ERC1: variants seen among roughly 807,000 people sequenced by gnomAD.
The protein encoded by ERC1 is RAB6 interacting protein 2.
A neutral mutation model predicts 132.0 loss-of-function variants in ERC1; 56 were observed. The ratio of observed to expected loss-of-function variants is 0.42; its 90% CI spans 0.34 to 0.53. The LOEUF is 0.53. ERC1 is among the 20% of genes least tolerant of loss of function. The probability of loss-of-function intolerance (pLI) is 0.03; values close to 1 mark genes in which losing one functional copy is unlikely to be tolerated. For missense variants in ERC1, 1,202 were observed against 1,349.9 expected, an observed-to-expected ratio of 0.89 and a Z score of 1.72; for synonymous variants, 478 against 476.1, an observed-to-expected ratio of 1.00 and a Z score of -0.05.
At chr12:1,167,133 A>G (rs1042004949) in intron 8 of ERC1, among the ~76,000 whole-genome samples, 2 of 152,216 alleles carry the variant, frequency 1.3e-5, no homozygotes, top group Non-Finnish European at 2.9e-5. Context: ...TATCAAGTCA[A>G]TAAGGAAGGG....
chr12:1,478,802 G>A (rs28817883), intron 18 of ERC1, among the ~76,000 whole-genome samples: 65,622 of 149,334 alleles, frequency 0.44, 16,701 homozygotes, highest in African/African-American at 0.71. Context: ...AAAAAAAAGA[G>A]AGAGAGAGAG....
intron 15 of ERC1, among the ~76,000 whole-genome samples, chr12:1,367,127 T>C (rs1479319924): frequency 6.6e-6 from 1 of 152,222 alleles, no homozygotes; most frequent in African/African-American, 2.4e-5. Context: ...AGAAGAGATA[T>C]ATTGGTAGTT....
chr12:1,036,797 C>A (rs1042809847), intron 2 of ERC1, among the ~76,000 whole-genome samples: 3 of 152,132 alleles, frequency 2.0e-5, no homozygotes, highest in African/African-American at 4.8e-5. Flanking sequence ...TCTGTTTTAA[C>A]AAGGAGATGT....
intron 8 of ERC1, among the ~76,000 whole-genome samples, chr12:1,144,878 A>G (rs1950208727): frequency 6.6e-6 from 1 of 152,130 alleles, no homozygotes. Context: ...TGTTTTCCAC[A>G]GTGGTTGTGC....
chr12:1,220,868 C>T (rs1958915814), intron 12 of ERC1, among the ~76,000 whole-genome samples: 1 of 152,228 alleles, frequency 6.6e-6, no homozygotes, highest in Admixed American at 6.5e-5. Flanking sequence ...GTCTGCTTCA[C>T]CTGGGCCTCG....
chr12:1,205,913 T>G (rs1253455542), intron 12 of ERC1, among the ~76,000 whole-genome samples: 2 of 152,090 alleles, frequency 1.3e-5, no homozygotes. Flanking sequence ...TCTCTCTAAA[T>G]GAAACCCTGG....
chr12:1,270,953 G>T (rs1432519575), intron 14 of ERC1, among the ~76,000 whole-genome samples: 1 of 152,060 alleles, frequency 6.6e-6, no homozygotes, highest in Non-Finnish European at 1.5e-5. Context: ...TTGAATAGAT[G>T]ATGATGGATA....
chr12:1,066,696 G>A (rs968362205), intron 2 of ERC1, among the ~76,000 whole-genome samples: 2 of 152,086 alleles, frequency 1.3e-5, no homozygotes, highest in Non-Finnish European at 2.9e-5. Flanking sequence ...AATTATCCGG[G>A]TGTGGTGGTA....
chr12:1,149,870 T>C lies in ERC1; in HGVS notation c.1737+8083T>C, dbSNP rs568909930. Reference sequence around the variant, plus strand: ...TTAGTTTTCATTCATTTGCCCGCTTTGTGAGGTATTAGGAATGACATGGGT... The same window carrying C: ...TTAGTTTTCATTCATTTGCCCGCTTCGTGAGGTATTAGGAATGACATGGGT... On this transcript the variant is annotated intron_variant, in intron 8 of 18. Transcript: ENST00000360905. Among the ~76,000 whole-genome samples the C allele has an allele frequency of 2.6e-5, 4 of 152,332 alleles. No homozygotes were observed. The South Asian group carries it at 8.3e-4, about 32-fold the overall frequency.
chr12:1,114,153 A>T (rs1394672624), intron 6 of ERC1, among the ~76,000 whole-genome samples: 3 of 152,160 alleles, frequency 2.0e-5, no homozygotes, highest in Middle Eastern at 3.4e-3. Flanking sequence ...CCTCCTGAGT[A>T]GCTGGGATTA....
At chr12:1,472,451 C>G (rs922683880) in intron 18 of ERC1, among the ~76,000 whole-genome samples, 4 of 152,022 alleles carry the variant, frequency 2.6e-5, no homozygotes, top group East Asian at 1.9e-4. Flanking sequence ...GAGTTCAAGA[C>G]CAGTCTGGGC....
At chr12:1,131,282 G>A (rs1948735660) in intron 7 of ERC1, among the ~76,000 whole-genome samples, 1 of 152,128 alleles carries the variant, frequency 6.6e-6, no homozygotes, top group African/African-American at 2.4e-5. Flanking sequence ...ACAGAGGATG[G>A]AGAACACTGA....
chr12:1,388,089 T>C (rs2089567245), intron 16 of ERC1, among the ~76,000 whole-genome samples: 1 of 151,888 alleles, frequency 6.6e-6, no homozygotes, highest in Admixed American at 6.6e-5. Context: ...CGGCCGGGCG[T>C]GGTGGCTCAC....
At chr12:1,257,540 A>T (rs2076889595) in intron 13 of ERC1, among the ~76,000 whole-genome samples, 1 of 152,204 alleles carries the variant, frequency 6.6e-6, no homozygotes, top group Non-Finnish European at 1.5e-5. Context: ...ATGCTATTTT[A>T]AATTGTTTTA....
intron 15 of ERC1, among the ~76,000 whole-genome samples, chr12:1,300,980 A>G (rs767644510): frequency 3.0e-4 from 46 of 152,306 alleles, no homozygotes; most frequent in Middle Eastern, 6.8e-3. Context: ...TTGTTCTATC[A>G]TATATACATC....
chr12:1,414,402 T>C (rs2154396833), intron 17 of ERC1, among the ~76,000 whole-genome samples: 2 of 152,308 alleles, frequency 1.3e-5, no homozygotes, highest in Middle Eastern at 3.4e-3. Context: ...ATAAAGGCAC[T>C]AATTCTATCA....
intron 12 of ERC1, among the ~76,000 whole-genome samples, chr12:1,201,995 T>TA (rs951106379): frequency 2.6e-5 from 4 of 152,084 alleles, no homozygotes; most frequent in Non-Finnish European, 5.9e-5. Context: ...GGTCTGTGTT[T>TA]AAAAAATGAA....
chr12:1,171,027 A>C (rs1332659918), intron 8 of ERC1, among the ~76,000 whole-genome samples: 1 of 152,194 alleles, frequency 6.6e-6, no homozygotes, highest in African/African-American at 2.4e-5. Flanking sequence ...AGTTAAAGTG[A>C]TGAGAAAGAT....
chr12:1,013,282 T>C (rs1051330629), intron 1 of ERC1, among the ~76,000 whole-genome samples: 1 of 152,018 alleles, frequency 6.6e-6, no homozygotes, highest in Non-Finnish European at 1.5e-5. Context: ...GGAGAACAAC[T>C]ATGATTAACA....
Sources: allele counts gnomAD v4.1 joint callset (sites outside exome capture counted in the v4.1 genomes callset), GRCh38; gene constraint gnomAD v4.1.1; transcripts MANE v1.5; gene names NCBI Gene and HGNC (gene_info 2026-07-23, HGNC 2026-07-21).